The following CPQ variants were observed in gnomAD, a reference collection of about 807,000 sequenced individuals.
CPQ encodes the protein carboxypeptidase Q.
A neutral mutation model predicts 45.7 loss-of-function variants in CPQ; 37 were observed. That is an observed-to-expected ratio of 0.81 (90% CI 0.62 to 1.07). The LOEUF (loss-of-function observed/expected upper bound fraction) is 1.07, where lower values mean the gene tolerates loss of function less well. Among genes scored for constraint, CPQ ranks in the 50% least tolerant of loss-of-function variants. The pLI is 0.00. For missense variants in CPQ, 537 were observed against 572.9 expected, an observed-to-expected ratio of 0.94 and a Z score of 0.64; for synonymous variants, 186 against 205.8, an observed-to-expected ratio of 0.90 and a Z score of 0.82.
chr8:96,935,600 G>A (rs1298070861), intron 4 of CPQ, among the ~76,000 whole-genome samples: 1 of 152,160 alleles, frequency 6.6e-6, no homozygotes, highest in African/African-American at 2.4e-5. Flanking sequence ...GCTGATAACA[G>A]TTTAAGGTAT....
At chr8:96,754,028 C>T (rs1034637912) in intron 1 of CPQ, among the ~76,000 whole-genome samples, 1 of 151,874 alleles carries the variant, frequency 6.6e-6, no homozygotes, top group African/African-American at 2.4e-5. Flanking sequence ...TAATATATTT[C>T]TAATATTAAA....
chr8:96,936,855 C>G (rs1813057781), intron 4 of CPQ, among the ~76,000 whole-genome samples: 1 of 152,016 alleles, frequency 6.6e-6, no homozygotes, highest in Non-Finnish European at 1.5e-5. Context: ...TTATCTTTAC[C>G]TTGATTTCTC....
intron 5 of CPQ, among the ~76,000 whole-genome samples, chr8:96,979,880 C>G (rs531020289): frequency 6.6e-6 from 1 of 152,102 alleles, no homozygotes; most frequent in Non-Finnish European, 1.5e-5. Flanking sequence ...TAATCATTAT[C>G]GATGAGCTGA....
At chr8:97,100,447 G>A (rs1311881366) in intron 7 of CPQ, among the ~76,000 whole-genome samples, 2 of 152,164 alleles carry the variant, frequency 1.3e-5, no homozygotes, top group African/African-American at 2.4e-5. Context: ...GCATGTTGCA[G>A]TGGGAAAGTG....
At chr8:97,049,770 A>T (rs1337936124) in intron 6 of CPQ, among the ~76,000 whole-genome samples, 3 of 152,220 alleles carry the variant, frequency 2.0e-5, no homozygotes, top group African/African-American at 7.2e-5. Flanking sequence ...GAATCAATCC[A>T]TGTCTAAAAT....
intron 2 of CPQ, among the ~76,000 whole-genome samples, chr8:96,824,518 C>T (rs1389063808): frequency 6.6e-6 from 1 of 151,824 alleles, no homozygotes; most frequent in Non-Finnish European, 1.5e-5. Flanking sequence ...ATTTGAAATC[C>T]TTACCCTACA....
chr8:97,079,995 T>C (rs1810917674), intron 7 of CPQ, among the ~76,000 whole-genome samples: 1 of 152,166 alleles, frequency 6.6e-6, no homozygotes, highest in Admixed American at 6.6e-5. Flanking sequence ...GAGTGAAATA[T>C]GCTAGGGCAC....
chr8:96,799,567 C>T (rs140111475), intron 2 of CPQ, among the ~76,000 whole-genome samples: 2 of 152,222 alleles, frequency 1.3e-5, no homozygotes, highest in East Asian at 1.9e-4. Context: ...GGTATGGGAT[C>T]AGTTGACGGA....
intron 7 of CPQ, among the ~76,000 whole-genome samples, chr8:97,085,644 A>G (rs1460549437): frequency 6.6e-6 from 1 of 152,194 alleles, no homozygotes; most frequent in Non-Finnish European, 1.5e-5. Flanking sequence ...ATGCATGACC[A>G]TAGTAACATT....
chr8:96,926,576 C>CTCTTCCTCTTCTTCTTCTTCTTCT lies in CPQ; in HGVS notation c.850-39354_850-39353insCTCTTCTTCTTCTTCTTCTTCTTC, dbSNP rs1445697100. Among the ~76,000 whole-genome samples the CTCTTCCTCTTCTTCTTCTTCTTCT allele has an allele frequency of 4.0e-3, 298 of 74,956 alleles. 4 individuals are homozygous for CTCTTCCTCTTCTTCTTCTTCTTCT. The highest frequency in any genetic ancestry group is 7.0e-3 in the African/African-American group (86 of 12,232). The allele number at this position is 74,956 out of a possible 152,430, so 49.2% of individuals were successfully genotyped here. Reference sequence around the variant, plus strand: ...CCTCTTCCTCTTCCTCTTCCTCTTCCTCTTCTTCTTCTTCTTCTTCTTCTT... The same window carrying CTCTTCCTCTTCTTCTTCTTCTTCT: ...CCTCTTCCTCTTCCTCTTCCTCTTCCTCTTCCTCTTCTTCTTCTTCTTCTTCTTCTTCTTCTTCTTCTTCTTCTT... On this transcript the variant is annotated intron_variant, in intron 4 of 7. Transcript: ENST00000220763.
chr8:97,107,979 G>C (rs1240724269), intron 7 of CPQ, among the ~76,000 whole-genome samples: 1 of 152,140 alleles, frequency 6.6e-6, no homozygotes, highest in African/African-American at 2.4e-5. Flanking sequence ...AAATAAGAAG[G>C]CAGAGCATGT....
At chr8:97,066,916 C>CTTTTTT (rs752150876) in intron 7 of CPQ, among the ~76,000 whole-genome samples, 5 of 60,396 alleles carry the variant, frequency 8.3e-5, no homozygotes, top group African/African-American at 2.9e-4. Context: ...CTGGAACAGT[C>CTTTTTT]TTTTTTTTTT....
chr8:97,107,782 G>T (rs929561557), intron 7 of CPQ, among the ~76,000 whole-genome samples: 3 of 151,436 alleles, frequency 2.0e-5, no homozygotes, highest in Admixed American at 6.6e-5. Flanking sequence ...CAAAGAAAAA[G>T]ATTTTTAAGA....
intron 5 of CPQ, among the ~76,000 whole-genome samples, chr8:97,001,721 CTTTTTTTTTT>C (rs61282246): frequency 3.3e-5 from 3 of 92,092 alleles, no homozygotes; most frequent in Non-Finnish European, 2.0e-5. Context: ...TTCTTTCTTT[CTTTTTTTTTT>C]TTTTTTTTTT....
chr8:96,839,410 A>C (rs1274065821), intron 3 of CPQ, among the ~76,000 whole-genome samples: 1 of 152,056 alleles, frequency 6.6e-6, no homozygotes, highest in African/African-American at 2.4e-5. Context: ...ACTTCTTTCC[A>C]TCACCATTAT....
intron 1 of CPQ, among the ~76,000 whole-genome samples, chr8:96,745,365 G>C (rs1484172504): frequency 6.6e-6 from 1 of 152,116 alleles, no homozygotes; most frequent in African/African-American, 2.4e-5. Context: ...AGCAGTTTCA[G>C]GAAAGAAGTT....
chr8:96,665,054 G>C (rs1808901016), intron 1 of CPQ, among the ~76,000 whole-genome samples: 1 of 152,200 alleles, frequency 6.6e-6, no homozygotes, highest in African/African-American at 2.4e-5. Context: ...AAGGAGGTAA[G>C]CAGAGGGTCC....
chr8:96,932,171 GAAGA>G (rs1812983441), intron 4 of CPQ, among the ~76,000 whole-genome samples: 1 of 149,806 alleles, frequency 6.7e-6, no homozygotes, highest in Admixed American at 6.6e-5. Context: ...GATAACTTGG[GAAGA>G]AAGGAAGGAA....
chr8:96,730,904 T>TA (rs1376237886), intron 1 of CPQ, among the ~76,000 whole-genome samples: 2 of 142,330 alleles, frequency 1.4e-5, no homozygotes, highest in Middle Eastern at 3.7e-3. Context: ...CATTTTTTTT[T>TA]AAAAAGATAC....
Sources: allele counts gnomAD v4.1 joint callset (sites outside exome capture counted in the v4.1 genomes callset), GRCh38; gene constraint gnomAD v4.1.1; transcripts MANE v1.5; gene names NCBI Gene and HGNC (gene_info 2026-07-23, HGNC 2026-07-21).